SASH1: variants seen among roughly 807,000 people sequenced by gnomAD.
SASH1 encodes SAM and SH3 domain containing 1, also known as SAM and SH3 domain-containing protein 1.
Under a neutral mutation model 125.2 loss-of-function variants are expected in SASH1, and 44 were observed. The observed-to-expected ratio is 0.35, with a 90% confidence interval of 0.28 to 0.45. SASH1 has a LOEUF of 0.45. SASH1 is among the 20% of genes least tolerant of loss of function. SASH1 has a pLI of 1.00. For missense variants in SASH1, 1,426 were observed against 1,614.5 expected (o/e 0.88, Z 2.00); for synonymous variants, 639 against 649.1 (o/e 0.98, Z 0.24).
chr6:148,323,156 T>G (rs1780698080), intron 1 of SASH1, among the ~76,000 whole-genome samples: 1 of 152,022 alleles, frequency 6.6e-6, no homozygotes, highest in Admixed American at 6.6e-5. Context: ...ATTACAGGCA[T>G]GTACCACCAT....
chr6:148,328,467 C>T (rs1252131141), intron 1 of SASH1, among the ~76,000 whole-genome samples: 1 of 151,996 alleles, frequency 6.6e-6, no homozygotes, highest in Non-Finnish European at 1.5e-5. Context: ...GTGGTGGGCA[C>T]CTGTAATCCC....
chr6:148,282,826 C>T (rs376659524), intron 1 of SASH1, among the ~76,000 whole-genome samples: 4 of 152,204 alleles, frequency 2.6e-5, no homozygotes, highest in South Asian at 4.1e-4. Flanking sequence ...ATTTCAGATG[C>T]GGTATCCTTT....
At chr6:148,234,963 G>A in the SASH1 span, among the ~76,000 whole-genome samples, 1 of 152,288 alleles carries the variant, frequency 6.6e-6, no homozygotes, top group Non-Finnish European at 1.5e-5. Flanking sequence ...TGGGTCTGTG[G>A]GCTGTCTTCG....
At chr6:148,232,888 G>A in the SASH1 span, among the ~76,000 whole-genome samples, 1 of 152,066 alleles carries the variant, frequency 6.6e-6, no homozygotes, top group Non-Finnish European at 1.5e-5. Flanking sequence ...TACATTATCT[G>A]GTATATGTAA....
chr6:148,414,503 C>T (rs1784744905), intron 2 of SASH1, among the ~76,000 whole-genome samples: 2 of 152,048 alleles, frequency 1.3e-5, no homozygotes, highest in Admixed American at 1.3e-4. Context: ...CCATACCTAC[C>T]TTTGGAGGCT....
Position 148,390,125 on chromosome 6 carries a change from C to T in SASH1, c.157-9C>T. 1 of 1,612,430 alleles carries T rather than the reference C, an allele frequency of 6.2e-7. No homozygotes were observed. The highest frequency in any genetic ancestry group is 8.5e-7 in the Non-Finnish European group (1 of 1,179,026). ...TGACCTGACCGCCTTTGTTTGTCCACCCCTTCAGGACGGTTCACTGGGAAA... is the reference window on the plus strand; with the variant it reads ...TGACCTGACCGCCTTTGTTTGTCCATCCCTTCAGGACGGTTCACTGGGAAA... On this transcript the variant is annotated splice_polypyrimidine_tract_variant and intron_variant, in intron 1 of 19. Transcript: ENST00000367467.
At chr6:148,224,232 G>A in the SASH1 span, among the ~76,000 whole-genome samples, 1 of 152,080 alleles carries the variant, frequency 6.6e-6, no homozygotes, top group Non-Finnish European at 1.5e-5. Context: ...AGAGGTCAAG[G>A]ATACAGTGAG....
Position 148,325,131 on chromosome 6 carries a change from T to G in SASH1, n.74+52754T>G, listed in dbSNP as rs570191508. Among the ~76,000 whole-genome samples the G allele has an allele frequency of 1.4e-4, 21 of 152,344 alleles. No homozygotes were observed. The South Asian group carries it at 4.3e-3, about 32-fold the overall frequency. ...AATTTATAAAGAAAAGAGGTTTAAC[T>G]GGCTCACAGTTCTGCATGGCTGGGG... On this transcript the variant is annotated intron_variant and non_coding_transcript_variant, in intron 1 of 3. Coordinates refer to the SASH1 transcript ENST00000367469.
chr6:148,243,450 A>AAATAATAATAAT, the SASH1 span, among the ~76,000 whole-genome samples: 2,659 of 138,496 alleles, frequency 0.019, 67 homozygotes, highest in Admixed American at 0.077. Context: ...AATTCCATCT[A>AAATAATAATAAT]AATAATAATA....
At chr6:148,361,108 A>C (rs1383868528) in intron 1 of SASH1, among the ~76,000 whole-genome samples, 1 of 152,210 alleles carries the variant, frequency 6.6e-6, no homozygotes, top group African/African-American at 2.4e-5. Flanking sequence ...GGAATGCCGA[A>C]GATCGCTGGC....
intron 1 of SASH1, chr6:148,272,422 C>T: frequency 6.4e-6 from 3 of 468,790 alleles, no homozygotes; most frequent in Non-Finnish European, 4.4e-6. Context: ...GTTTTTGGTG[C>T]CTTCTGACAT....
the SASH1 span, among the ~76,000 whole-genome samples, chr6:148,253,933 C>T: frequency 2.0e-5 from 3 of 151,642 alleles, no homozygotes; most frequent in East Asian, 1.9e-4. Context: ...AGGCCAGGCA[C>T]GGTGGTTTAT....
chr6:148,344,003 G>A (rs187974073), intron 1 of SASH1, among the ~76,000 whole-genome samples: 1 of 152,314 alleles, frequency 6.6e-6, no homozygotes, highest in Admixed American at 6.5e-5. Flanking sequence ...TTAGTTTAAA[G>A]ACTTGGAATG....
chr6:148,250,572 TAAA>T, the SASH1 span, among the ~76,000 whole-genome samples: 656 of 141,392 alleles, frequency 4.6e-3, 4 homozygotes, highest in African/African-American at 9.3e-3. Flanking sequence ...GCCTTAGTCT[TAAA>T]AAAAAAAAAA....
chr6:148,479,543 A>G (rs988692962), intron 7 of SASH1: 4 of 156,084 alleles, frequency 2.6e-5, no homozygotes, highest in African/African-American at 9.6e-5. Context: ...AAAGAAAGGA[A>G]TACTTTCAAG....
rs549992003 is a variant in SASH1 at position 148,502,878 on chromosome 6, T to A, written c.730-11446T>A. On this transcript the variant is annotated intron_variant, in intron 8 of 19. Transcript: ENST00000367467. ...TCACGGAAGTGTGCCTCAATTTCCT[T>A]ACCCAGAGATGAGTCTTCCCACATC... Among the ~76,000 whole-genome samples the A allele has an allele frequency of 3.3e-5, 5 of 152,330 alleles. No homozygotes were observed. The South Asian group carries it at 1.0e-3, about 32-fold the overall frequency.
intron 1 of SASH1, among the ~76,000 whole-genome samples, chr6:148,273,667 G>A (rs1305675730): frequency 2.0e-5 from 3 of 152,202 alleles, no homozygotes; most frequent in African/African-American, 7.2e-5. Context: ...GAGGTCATGA[G>A]GTAGAGTCTG....
intron 1 of SASH1, among the ~76,000 whole-genome samples, chr6:148,293,278 G>A (rs557535181): frequency 6.6e-6 from 1 of 152,302 alleles, no homozygotes; most frequent in African/African-American, 2.4e-5. Context: ...ACTGAGCAAA[G>A]ATGTTGCCCT....
At chr6:148,366,761 G>A (rs1035934182) in intron 1 of SASH1, among the ~76,000 whole-genome samples, 2 of 151,782 alleles carry the variant, frequency 1.3e-5, no homozygotes, top group African/African-American at 2.4e-5. Flanking sequence ...CCAAGCCCGC[G>A]TAATTTTTGT....
Sources: gnomAD v4.1 joint callset for allele counts (sites outside exome capture counted in the v4.1 genomes callset) on GRCh38, gnomAD v4.1.1 for gene constraint, MANE v1.5 for transcripts, NCBI Gene and HGNC (gene_info 2026-07-23, HGNC 2026-07-21) for gene names.